The following NEK1 variants were observed in gnomAD, a reference collection of about 807,000 sequenced individuals.
The protein encoded by NEK1 is serine/threonine-protein kinase Nek1.
In NEK1, 137 loss-of-function variants were observed where a neutral mutation model predicts 182.1. The observed-to-expected ratio is 0.75, with a 90% CI of 0.65 to 0.87. NEK1 has a LOEUF of 0.87. Ranked by LOEUF, NEK1 falls within the 40% of genes least tolerant of loss-of-function variation. The probability of loss-of-function intolerance (pLI) is 0.00; values close to 1 mark genes in which losing one functional copy is unlikely to be tolerated. For synonymous variants in NEK1, 513 were observed against 492.2 expected, an observed-to-expected ratio of 1.04 and a Z score of -0.56; for missense variants, 1,391 against 1,494.4, an observed-to-expected ratio of 0.93 and a Z score of 1.14.
chr4:169,441,910 C>G (rs1364276252), intron 27 of NEK1, among the ~76,000 whole-genome samples: 1 of 152,096 alleles, frequency 6.6e-6, no homozygotes, highest in African/African-American at 2.4e-5. Context: ...GAGATCTACC[C>G]ACCTCTGTCC....
intron 2 of NEK1, among the ~76,000 whole-genome samples, chr4:169,605,227 A>T (rs1343149919): frequency 1.3e-5 from 2 of 152,196 alleles, no homozygotes; most frequent in Non-Finnish European, 2.9e-5. Flanking sequence ...CCACACTAAT[A>T]AGACAGAAGC....
intron 23 of NEK1, among the ~76,000 whole-genome samples, chr4:169,484,744 T>C (rs1748743274): frequency 1.3e-5 from 2 of 152,202 alleles, no homozygotes. Context: ...GTAGGACAGT[T>C]GTACATTCAA....
At chr4:169,563,597 T>C (rs1763260309) in intron 12 of NEK1, among the ~76,000 whole-genome samples, 1 of 152,178 alleles carries the variant, frequency 6.6e-6, no homozygotes, top group Non-Finnish European at 1.5e-5. Context: ...TTCCTTTTAA[T>C]TGCTCTAGCT....
chr4:169,424,843 C>G, intron 30 of NEK1, 43 bp from the exon 31 acceptor site: 1 of 1,511,578 alleles, frequency 6.6e-7, no homozygotes, highest in Non-Finnish European at 8.9e-7. Context: ...CTATACAGTA[C>G]TTAAAGTTCT....
At chr4:169,403,542 C>G (rs575344625) in intron 32 of NEK1, among the ~76,000 whole-genome samples, 2 of 152,166 alleles carry the variant, frequency 1.3e-5, no homozygotes, top group South Asian at 4.2e-4. Context: ...TGTACTATAG[C>G]CAGGGTGACA....
intron 27 of NEK1, among the ~76,000 whole-genome samples, chr4:169,460,372 A>AT (rs1170787078): frequency 1.3e-5 from 2 of 151,706 alleles, no homozygotes; most frequent in Non-Finnish European, 2.9e-5. Context: ...AGAAACTCTC[A>AT]TTTTTTAAAA....
chr4:169,415,006 C>T (rs148311824), intron 31 of NEK1, among the ~76,000 whole-genome samples: 94 of 152,318 alleles, frequency 6.2e-4, no homozygotes, highest in African/African-American at 2.2e-3. Flanking sequence ...TGTATCACCG[C>T]CTCATTGGAT....
Position 169,426,165 on chromosome 4 carries a change from T to G in NEK1, c.2955A>C (p.Gln985His). The stretch of plus-strand genomic sequence containing the variant: ...GCTTACCTATATGAATGTCACTAAG[T>G]TGGTCCACAGTACTCGAGACTCCAT... Reference protein sequence around the residue: ...SEDGVSSTVDQLSDIHIEPGT... With the variant: ...SEDGVSSTVDHLSDIHIEPGT... Residue 985 changes from glutamine (Q) to histidine (H), a missense_variant, in exon 30 of 36, where the codon CAA becomes CAC. Transcript: ENST00000507142. 1.2e-6 allele frequency: 2 copies of G among 1,613,592 alleles called. No individual in the cohort carries two copies. Among genetic ancestry groups the G allele is most frequent in the African/African-American group, 1.3e-5 (1 of 75,034 alleles).
intron 19 of NEK1, among the ~76,000 whole-genome samples, chr4:169,533,192 A>T (rs535881595): frequency 1.3e-5 from 2 of 152,200 alleles, no homozygotes; most frequent in Non-Finnish European, 2.9e-5. Context: ...ACATAAAGAG[A>T]TTATCTGGTG....
chr4:169,529,122 C>T (rs1051013231), intron 19 of NEK1, among the ~76,000 whole-genome samples: 3 of 152,048 alleles, frequency 2.0e-5, no homozygotes, highest in South Asian at 2.1e-4. Context: ...GCTACAGCAA[C>T]GCTTAGAGGG....
intron 23 of NEK1, among the ~76,000 whole-genome samples, chr4:169,499,190 A>G (rs1348335217): frequency 2.0e-5 from 3 of 152,184 alleles, no homozygotes; most frequent in Non-Finnish European, 4.4e-5. Context: ...CCAGTTGACA[A>G]ATTGGCTACT....
chr4:169,595,095 T>C (rs4619853), intron 5 of NEK1, among the ~76,000 whole-genome samples: 26,197 of 152,050 alleles, frequency 0.17, 2,857 homozygotes, highest in South Asian at 0.31. Context: ...AATAGACTCT[T>C]GGGTACAAGT....
At chr4:169,560,767 C>T (rs926046723) in intron 16 of NEK1, among the ~76,000 whole-genome samples, 4 of 150,796 alleles carry the variant, frequency 2.7e-5, no homozygotes, top group African/African-American at 7.3e-5. Context: ...GTTCCAGGCA[C>T]TGTTCTTGGA....
chr4:169,456,176 G>A (rs1420404074), intron 27 of NEK1, among the ~76,000 whole-genome samples: 1 of 152,050 alleles, frequency 6.6e-6, no homozygotes, highest in Non-Finnish European at 1.5e-5. Context: ...AATGATAATG[G>A]AAACACAATA....
In NEK1 at chr4:169,527,357, T is replaced by C. The variant is rs1757039051; in HGVS notation, c.1665+10452A>G. On this transcript the variant is annotated intron_variant, in intron 19 of 35. Transcript: ENST00000507142. ...GGAAAAAGAAGAAAACTTGAAACAT[T>C]AGGAATGAAAGAAAAGTAATAGAAA... Among the ~76,000 whole-genome samples the C allele has an allele frequency of 3.3e-5, 5 of 152,240 alleles. No individual in the cohort carries two copies. The South Asian group carries it at 1.0e-3, about 32-fold the overall frequency.
chr4:169,493,177 C>T lies in NEK1; in HGVS notation c.2008-13643G>A, dbSNP rs183768600. Among the ~76,000 whole-genome samples, 173 of 152,272 alleles carry T rather than the reference C, an allele frequency of 1.1e-3. 3 individuals carry two copies. Among genetic ancestry groups the T allele is most frequent in the Admixed American group, 5.3e-3 (81 of 15,296 alleles). The stretch of plus-strand genomic sequence containing the variant: ...CTGAGAAAGCCACCACACAAACCTA[C>T]CTGCAACCAAAAAACCCATATGGAG... On this transcript the variant is annotated intron_variant, in intron 23 of 35. Coordinates refer to ENST00000507142, the MANE Select transcript of NEK1 (RefSeq NM_001199397.3).
chr4:169,472,074 A>T (rs139707182), intron 26 of NEK1, among the ~76,000 whole-genome samples: 1,553 of 152,152 alleles, frequency 0.01, 62 homozygotes, highest in East Asian at 0.037. Context: ...CCGCTGAGCA[A>T]TACCACTCGG....
rs1456506933 is a variant in NEK1 at position 169,576,780 on chromosome 4, T to G, written c.1020+148A>C. The G allele has an allele frequency of 1.4e-5, 10 of 706,446 alleles. No homozygotes were observed. In the East Asian group the frequency reaches 2.9e-4, roughly 21 times the overall value. 43.8% of individuals were successfully genotyped at this position (706,446 alleles called of 1,614,324 possible). On this transcript the variant is annotated intron_variant, in intron 12 of 35. Coordinates refer to ENST00000507142, the MANE Select transcript of NEK1 (RefSeq NM_001199397.3). ...ATGACTCCTGTAAGGCTTCTCAGTT[T>G]TAGAGGACTGGTAAAACACAGAAGG...
chr4:169,408,579 T>G (rs912940823), intron 31 of NEK1, among the ~76,000 whole-genome samples: 1 of 152,222 alleles, frequency 6.6e-6, no homozygotes, highest in Admixed American at 6.5e-5. Flanking sequence ...ACCCGAGCAG[T>G]GTACACTGTA....
Sources: gnomAD v4.1 joint callset for allele counts (sites outside exome capture counted in the v4.1 genomes callset) on GRCh38, gnomAD v4.1.1 for gene constraint, MANE v1.5 for transcripts, NCBI Gene and HGNC (gene_info 2026-07-23, HGNC 2026-07-21) for gene names.